PAAF1: variants seen among roughly 807,000 people sequenced by gnomAD.
PAAF1 encodes proteasomal ATPase-associated factor 1.
Under a neutral mutation model 52.8 loss-of-function variants are expected in PAAF1, and 46 were observed. The observed-to-expected ratio is 0.87, with a 90% CI of 0.69 to 1.11. The LOEUF is 1.11. Among genes scored for constraint, PAAF1 ranks in the 50% most tolerant of loss-of-function variants. The pLI is 0.00. For missense variants in PAAF1, 424 were observed against 477.4 expected (o/e 0.89, Z 1.04); for synonymous variants, 178 against 172.8 (o/e 1.03, Z -0.24).
chr11:73,899,053 G>C, intron 4 of PAAF1, 93 bp from the exon 5 acceptor site: 1 of 984,244 alleles, frequency 1.0e-6, no homozygotes. Context: ...AGGAAGTCTT[G>C]GAAGAGTGAA....
intron 6 of PAAF1, among the ~76,000 whole-genome samples, chr11:73,904,195 G>T (rs898234604): frequency 1.3e-5 from 2 of 151,754 alleles, no homozygotes; most frequent in Admixed American, 6.6e-5. Flanking sequence ...TAATTAACAA[G>T]CAGAGGTAAG....
intron 6 of PAAF1, among the ~76,000 whole-genome samples, chr11:73,902,264 C>T (rs1325793384): frequency 6.6e-6 from 1 of 152,146 alleles, no homozygotes; most frequent in Non-Finnish European, 1.5e-5. Flanking sequence ...GGTTTACTTC[C>T]ATGATGTAAG....
At chr11:73,924,759 A>T in intron 11 of PAAF1, 62 bp downstream of exon 11, 1 of 1,331,684 alleles carries the variant, frequency 7.5e-7, no homozygotes, top group East Asian at 2.3e-5. Flanking sequence ...GGCTTTTATG[A>T]GACTGAATCC....
intron 11 of PAAF1, 112 bp downstream of exon 11, chr11:73,924,809 A>G: frequency 1.2e-6 from 1 of 826,658 alleles, no homozygotes; most frequent in Non-Finnish European, 2.0e-6. Flanking sequence ...AATAGTGCTT[A>G]TTGTATAAGC....
chr11:73,897,503 G>A (rs1949439851), intron 4 of PAAF1, among the ~76,000 whole-genome samples: 1 of 151,602 alleles, frequency 6.6e-6, no homozygotes, highest in Non-Finnish European at 1.5e-5. Flanking sequence ...TCACATCCCG[G>A]ACAGGGTGGC....
chr11:73,904,886 C>A (rs1021462898), intron 6 of PAAF1, among the ~76,000 whole-genome samples: 63 of 152,264 alleles, frequency 4.1e-4, no homozygotes, highest in African/African-American at 1.5e-3. Flanking sequence ...TCTGCTGAAT[C>A]TTTTCTTGAA....
rs745753040 is a variant in PAAF1, at chr11:73,914,399, T to C, written c.728-14T>C. 1 of 1,612,996 alleles carries C rather than the reference T, an allele frequency of 6.2e-7. No individual in the cohort carries two copies. The highest frequency in any genetic ancestry group is 2.2e-5 in the East Asian group (1 of 44,860). ...CAGCCTCACTGTTATTAACATAGTTTATTTGTCATGCAGGTGAACGGGAGG... is the reference window on the plus strand; with the variant it reads ...CAGCCTCACTGTTATTAACATAGTTCATTTGTCATGCAGGTGAACGGGAGG... On this transcript the variant is annotated splice_polypyrimidine_tract_variant and intron_variant, in intron 7 of 11. Transcript: ENST00000310571.
In PAAF1 at chr11:73,930,566, A is replaced by C. The variant is rs2135248930; in HGVS notation, c.*3204A>C. On this transcript the variant is annotated 3_prime_UTR_variant, in exon 12 of 12. Transcript: ENST00000310571. Reference sequence around the variant, plus strand: ...ATTGGAGACCAGCCTGCACAACATGAGGAAACTCTGTCTCTACTAAAAATA... The same window carrying C: ...ATTGGAGACCAGCCTGCACAACATGCGGAAACTCTGTCTCTACTAAAAATA... 6.6e-6 allele frequency: 1 copy of C among 151,690 alleles called. No individual in the cohort carries two copies. Among genetic ancestry groups the C allele is most frequent in the East Asian group, 1.9e-4 (1 of 5,156 alleles). 9.4% of individuals were successfully genotyped at this position (151,690 alleles called of 1,614,324 possible).
chr11:73,891,298 T>C (rs1949196989), intron 4 of PAAF1, 97 bp downstream of exon 4: 2 of 697,004 alleles, frequency 2.9e-6, no homozygotes, highest in African/African-American at 1.8e-5. Flanking sequence ...ATAATTAATA[T>C]GTCTTTCATT....
At chr11:73,913,256 G>A (rs73549981) in intron 7 of PAAF1, among the ~76,000 whole-genome samples, 3,944 of 151,784 alleles carry the variant, frequency 0.026, 177 homozygotes, top group African/African-American at 0.091. Context: ...CACCATTCAG[G>A]TCTTGCCATT....
chr11:73,908,285 GTA>G (rs10543174), intron 6 of PAAF1, among the ~76,000 whole-genome samples: 8,370 of 145,828 alleles, frequency 0.057, 268 homozygotes, highest in Middle Eastern at 0.098. Context: ...GTGTATATAT[GTA>G]TATATATGTG....
intron 3 of PAAF1, chr11:73,888,888 G>A (rs1463494980): frequency 2.3e-6 from 1 of 440,172 alleles, no homozygotes. Context: ...GGTTAATGGG[G>A]AATGAGACTG....
intron 4 of PAAF1, among the ~76,000 whole-genome samples, chr11:73,893,413 G>A (rs115002983): frequency 0.01 from 1,569 of 152,160 alleles, 29 homozygotes; most frequent in African/African-American, 0.034. Context: ...TCAATAAAAT[G>A]TGAATGTGAA....
chr11:73,898,654 C>T (rs758983903), intron 4 of PAAF1, among the ~76,000 whole-genome samples: 16 of 151,992 alleles, frequency 1.1e-4, no homozygotes, highest in African/African-American at 3.6e-4. Context: ...CTGTCTCTAC[C>T]GAAAAATACA....
At chr11:73,906,266 T>A (rs1287221168) in intron 6 of PAAF1, among the ~76,000 whole-genome samples, 1 of 152,130 alleles carries the variant, frequency 6.6e-6, no homozygotes, top group East Asian at 1.9e-4. Context: ...TGTTTGTTTG[T>A]TTGTTTTTTT....
intron 4 of PAAF1, among the ~76,000 whole-genome samples, chr11:73,897,681 G>GCTC (rs1949449928): frequency 6.6e-6 from 1 of 150,450 alleles, no homozygotes; most frequent in South Asian, 2.1e-4. Context: ...GGGCAGAGAG[G>GCTC]CTCCTCACTT....
chr11:73,910,760 G>A (rs1374746332), intron 7 of PAAF1, among the ~76,000 whole-genome samples: 3 of 152,116 alleles, frequency 2.0e-5, no homozygotes, highest in African/African-American at 7.2e-5. Flanking sequence ...GGAGGCCGAG[G>A]CGGGCGATTC....
intron 10 of PAAF1, among the ~76,000 whole-genome samples, chr11:73,920,309 G>A (rs2135227950): frequency 6.6e-6 from 1 of 152,026 alleles, no homozygotes; most frequent in Non-Finnish European, 1.5e-5. Flanking sequence ...TGAGGCGGGA[G>A]GATCACTTGA....
chr11:73,896,602 C>G (rs1358596287), intron 4 of PAAF1, among the ~76,000 whole-genome samples: 2 of 151,664 alleles, frequency 1.3e-5, no homozygotes, highest in Admixed American at 6.6e-5. Context: ...TTTCAGAGAG[C>G]ACAGGGTTGG....
Sources: allele counts gnomAD v4.1 joint callset (sites outside exome capture counted in the v4.1 genomes callset), GRCh38; gene constraint gnomAD v4.1.1; transcripts MANE v1.5; gene names NCBI Gene and HGNC (gene_info 2026-07-23, HGNC 2026-07-21).